RNF38: variants seen among roughly 807,000 people sequenced by gnomAD.
RNF38 encodes the protein E3 ubiquitin-protein ligase RNF38.
In RNF38, 15 loss-of-function variants were observed where a neutral mutation model predicts 67.2. That is an observed-to-expected ratio of 0.22 (90% CI 0.15 to 0.34). The LOEUF (loss-of-function observed/expected upper bound fraction) is 0.34. Among genes scored for constraint, RNF38 ranks in the 10% least tolerant of loss-of-function variants. RNF38 has a pLI of 1.00. For missense variants in RNF38, 524 were observed against 639.9 expected (o/e 0.82, Z 1.95); for synonymous variants, 220 against 218.8 (o/e 1.01, Z -0.05).
chr9:36,400,280 ACCCTTT>A (rs1031695340), upstream of RNF38: 2 of 1,311,956 alleles, frequency 1.5e-6, no homozygotes, highest in Non-Finnish European at 1.9e-6. Flanking sequence ...GCCAGAGAGG[ACCCTTT>A]CGACCGGGTT....
At position 36,352,853 on chromosome 9, in the gene RNF38, A is replaced by G. The variant is rs1434661587; in HGVS notation, c.1072-5T>C. ...AGGCATAAATGGAGGATAAGGCTGC[A>G]AGGGGAAAAATGTTAAGATTTAGAA... is the stretch of plus-strand genomic sequence containing the variant. On this transcript the variant is annotated splice_polypyrimidine_tract_variant and splice_region_variant and intron_variant, in intron 7 of 11. Coordinates refer to ENST00000259605, the MANE Select transcript of RNF38 (RefSeq NM_022781.5). The G allele has an allele frequency of 6.3e-7, 1 of 1,592,766 alleles. No homozygotes were observed. The highest frequency in any genetic ancestry group is 8.6e-7 in the Non-Finnish European group (1 of 1,160,824).
At chr9:36,412,599 G>A (rs950998009) in intron 2 of RNF38, among the ~76,000 whole-genome samples, 3 of 152,358 alleles carry the variant, frequency 2.0e-5, no homozygotes, top group African/African-American at 7.2e-5. Flanking sequence ...TGAAGAGCGA[G>A]ATGAGATCTC....
chr9:36,392,616 T>C (rs183856899), intron 1 of RNF38, among the ~76,000 whole-genome samples: 4 of 152,192 alleles, frequency 2.6e-5, no homozygotes, highest in Admixed American at 2.0e-4. Flanking sequence ...AAAAATTAAA[T>C]TAGTGTGGCA....
At position 36,361,001 on chromosome 9, in the gene RNF38, G is replaced by A. The variant is rs1004425098; in HGVS notation, c.571-3059C>T. Among the ~76,000 whole-genome samples the A allele has an allele frequency of 2.0e-5, 3 of 152,082 alleles. No individual in the cohort carries two copies. The Middle Eastern group carries it at 0.01, about 517-fold the overall frequency. ...TAATTTTTGTATTATTATTTTTGTA[G>A]AGACAGGGTTTCACTGTGTTGTCCA... On this transcript the variant is annotated intron_variant, in intron 4 of 11. Transcript: ENST00000259605.
At chr9:36,436,680 G>A (rs541456339) in intron 1 of RNF38, among the ~76,000 whole-genome samples, 79 of 151,946 alleles carry the variant, frequency 5.2e-4, no homozygotes, top group Non-Finnish European at 8.8e-4. Context: ...AACATTAGCC[G>A]GGCGTGGTGG....
intron 1 of RNF38, among the ~76,000 whole-genome samples, chr9:36,460,303 T>C (rs974044686): frequency 4.6e-5 from 7 of 152,114 alleles, no homozygotes; most frequent in East Asian, 1.9e-4. Flanking sequence ...CAGGAAGGCA[T>C]AGACTAATTT....
intron 2 of RNF38, among the ~76,000 whole-genome samples, chr9:36,408,266 ATTTTTTTT>A (rs35564069): frequency 7.4e-6 from 1 of 134,718 alleles, no homozygotes; most frequent in Non-Finnish European, 1.6e-5. Context: ...AACAGACTTA[ATTTTTTTT>A]TTTTTTTTTT....
At chr9:36,461,838 T>C (rs1057147957) in intron 1 of RNF38, among the ~76,000 whole-genome samples, 1 of 152,152 alleles carries the variant, frequency 6.6e-6, no homozygotes, top group Non-Finnish European at 1.5e-5. Context: ...ATAATTTCAG[T>C]TTGGACATGT....
intron 9 of RNF38, among the ~76,000 whole-genome samples, chr9:36,349,158 C>G (rs1833517670): frequency 6.6e-6 from 1 of 152,190 alleles, no homozygotes; most frequent in Non-Finnish European, 1.5e-5. Flanking sequence ...AAAAAGATTC[C>G]TTTCAAAATA....
chr9:36,478,647 G>A (rs1448790321), intron 1 of RNF38, among the ~76,000 whole-genome samples: 2 of 151,148 alleles, frequency 1.3e-5, no homozygotes, highest in Non-Finnish European at 2.9e-5. Flanking sequence ...AAGAAACCCC[G>A]TCGCTACTAA....
chr9:36,389,080 C>A (rs1055357760), intron 2 of RNF38, among the ~76,000 whole-genome samples: 2 of 152,030 alleles, frequency 1.3e-5, no homozygotes, highest in Non-Finnish European at 2.9e-5. Flanking sequence ...CCTTCTAGAT[C>A]CCCCTCCACC....
In RNF38 at chr9:36,336,636, A is replaced by G. The variant is rs983215422; in HGVS notation, c.*3116T>C. The G allele has an allele frequency of 6.6e-6, 1 of 152,604 alleles. No individual in the cohort carries two copies. Among genetic ancestry groups the G allele is most frequent in the Non-Finnish European group, 1.5e-5 (1 of 68,040 alleles). The allele number at this position is 152,604 out of a possible 1,614,324, so 9.5% of individuals were successfully genotyped here. ...CTGATACAATGGAATATGATTTGAGAAAATGACTCAGCAAATGATTCCAAA... is the reference window on the plus strand; with the variant it reads ...CTGATACAATGGAATATGATTTGAGGAAATGACTCAGCAAATGATTCCAAA... On this transcript the variant is annotated 3_prime_UTR_variant, in exon 12 of 12. Transcript: ENST00000259605.
At chr9:36,440,945 T>C (rs1279857571) in intron 1 of RNF38, among the ~76,000 whole-genome samples, 2 of 152,174 alleles carry the variant, frequency 1.3e-5, no homozygotes, top group Admixed American at 6.5e-5. Flanking sequence ...AAATGCCTCA[T>C]GGTCTGACAG....
At chr9:36,354,857 A>G (rs1166370282) in intron 6 of RNF38, among the ~76,000 whole-genome samples, 2 of 152,254 alleles carry the variant, frequency 1.3e-5, no homozygotes, top group African/African-American at 4.8e-5. Context: ...AGTAAATACT[A>G]AGCTTTAATT....
intron 2 of RNF38, among the ~76,000 whole-genome samples, chr9:36,412,935 G>T (rs9408271): frequency 0.05 from 7,592 of 152,232 alleles, 587 homozygotes; most frequent in African/African-American, 0.17. Context: ...AGCCGGGTGT[G>T]GTGGCACATG....
intron 1 of RNF38, 79 bp downstream of exon 1, chr9:36,400,018 T>C: frequency 2.3e-6 from 3 of 1,276,880 alleles, no homozygotes; most frequent in Non-Finnish European, 3.4e-6. Context: ...GTGTTTCTAC[T>C]TACGGTAGAA....
At chr9:36,399,521 TAA>T (rs1837832339) in intron 1 of RNF38, among the ~76,000 whole-genome samples, 1 of 147,996 alleles carries the variant, frequency 6.8e-6, no homozygotes, top group African/African-American at 2.5e-5. Context: ...ATATTATAAA[TAA>T]ATATATTATA....
intron 9 of RNF38, among the ~76,000 whole-genome samples, chr9:36,348,123 C>A (rs983631220): frequency 6.6e-6 from 1 of 151,916 alleles, no homozygotes; most frequent in Non-Finnish European, 1.5e-5. Context: ...GTAAGAAAGG[C>A]ATGTCAAAGC....
At chr9:36,430,053 C>T in intron 1 of RNF38, among the ~76,000 whole-genome samples, 1 of 151,986 alleles carries the variant, frequency 6.6e-6, no homozygotes, top group Non-Finnish European at 1.5e-5. Flanking sequence ...TAAACTATTC[C>T]ACCCCTCCTA....
Sources: allele counts gnomAD v4.1 joint callset (sites outside exome capture counted in the v4.1 genomes callset), GRCh38; gene constraint gnomAD v4.1.1; transcripts MANE v1.5; gene names NCBI Gene and HGNC (gene_info 2026-07-23, HGNC 2026-07-21).